GRM5: variants seen among roughly 807,000 people sequenced by gnomAD.
GRM5 encodes glutamate metabotropic receptor 5.
Under a neutral mutation model 83.1 loss-of-function variants are expected in GRM5, and 19 were observed. The observed-to-expected ratio is 0.23, with a 90% CI of 0.16 to 0.34. The LOEUF is 0.34. GRM5 is among the 10% of genes least tolerant of loss of function. The pLI is 1.00. For missense variants in GRM5, 1,160 were observed against 1,588.3 expected (o/e 0.73, Z 4.58); for synonymous variants, 675 against 633.6 (o/e 1.07, Z -0.98).
chr11:88,975,284 T>C (rs1465700513), intron 2 of GRM5, among the ~76,000 whole-genome samples: 1 of 152,174 alleles, frequency 6.6e-6, no homozygotes, highest in African/African-American at 2.4e-5. Flanking sequence ...AGAAACAATC[T>C]GGTATAGAGG....
In GRM5 at chr11:88,508,786, C is replaced by A. The variant is rs540630921; in HGVS notation, c.3445G>T (p.Glu1149Ter). 2 of 1,457,560 alleles carry A rather than the reference C, an allele frequency of 1.4e-6. No homozygotes were observed. Among genetic ancestry groups the A allele is most frequent in the South Asian group, 2.9e-5 (2 of 68,954 alleles). 90.3% of individuals were successfully genotyped at this position (1,457,560 alleles called of 1,614,324 possible). ...AARESPAAGP[E>*]AAAAKPDLEE... ...AGGTCTGGCTTGGCGGCCGCAGCCT[C>A]GGGACCGGCCGCGGGGCTCTCCCGG... The change falls in exon 10 of 10, where the codon GAG (glutamate) becomes TAG (stop). Residue 1149 changes from glutamate (E) to a stop codon, truncating the protein, a stop_gained. Coordinates refer to ENST00000305447, the MANE Select transcript of GRM5 (RefSeq NM_001143831.3). LOFTEE classifies it high-confidence loss of function. The surrounding 1 kb of genome is among the most constrained non-coding windows in gnomAD (Gnocchi z 4.2).
chr11:88,701,006 T>A (rs1195880774), intron 3 of GRM5, among the ~76,000 whole-genome samples: 2 of 152,140 alleles, frequency 1.3e-5, no homozygotes, highest in African/African-American at 4.8e-5. Context: ...ACTCCAAGTG[T>A]CCCATTTGGG....
intron 9 of GRM5, among the ~76,000 whole-genome samples, chr11:88,517,825 A>G (rs867191552): frequency 2.0e-5 from 3 of 152,214 alleles, no homozygotes; most frequent in Middle Eastern, 6.8e-3. Flanking sequence ...TAGCAAATCT[A>G]TTGTTTCAGA....
chr11:88,677,436 T>C (rs1190657256), intron 3 of GRM5, among the ~76,000 whole-genome samples: 2 of 152,130 alleles, frequency 1.3e-5, no homozygotes, highest in African/African-American at 2.4e-5. Context: ...TTCCTGGGAA[T>C]TGTGGGACAC....
chr11:88,696,603 C>G (rs1940910040), intron 3 of GRM5, among the ~76,000 whole-genome samples: 1 of 152,200 alleles, frequency 6.6e-6, no homozygotes, highest in African/African-American at 2.4e-5. Flanking sequence ...CCAAGTCAGA[C>G]ACACCTGGAT....
chr11:88,878,981 T>G (rs1361928719), intron 2 of GRM5, among the ~76,000 whole-genome samples: 1 of 152,068 alleles, frequency 6.6e-6, no homozygotes, highest in African/African-American at 2.4e-5. Flanking sequence ...TTGATGAAAA[T>G]TTTCTGTACC....
intron 3 of GRM5, among the ~76,000 whole-genome samples, chr11:88,764,075 ACT>A: frequency 6.6e-6 from 1 of 151,746 alleles, no homozygotes; most frequent in Non-Finnish European, 1.5e-5. Flanking sequence ...TTATTATATT[ACT>A]GTTAGAAAAA....
chr11:88,627,070 C>T (rs550698125), intron 4 of GRM5, among the ~76,000 whole-genome samples: 2 of 152,330 alleles, frequency 1.3e-5, no homozygotes, highest in African/African-American at 4.8e-5. Context: ...GGTACTATTC[C>T]ATGTTCTTCT....
At chr11:88,879,635 C>T (rs1944918398) in intron 2 of GRM5, among the ~76,000 whole-genome samples, 1 of 151,934 alleles carries the variant, frequency 6.6e-6, no homozygotes, top group Non-Finnish European at 1.5e-5. Flanking sequence ...CCAAGATTTT[C>T]ATCACCTTTC....
chr11:88,995,830 A>G (rs7358533), intron 2 of GRM5, among the ~76,000 whole-genome samples: 11,138 of 151,882 alleles, frequency 0.073, 1,338 homozygotes, highest in African/African-American at 0.25. Flanking sequence ...CAAATAAAAT[A>G]TCTACAAATG....
chr11:88,748,085 A>T (rs562606212), intron 3 of GRM5, among the ~76,000 whole-genome samples: 1 of 152,234 alleles, frequency 6.6e-6, no homozygotes, highest in East Asian at 1.9e-4. Flanking sequence ...GCAGTAAGTG[A>T]TTGTACAACC....
intron 2 of GRM5, among the ~76,000 whole-genome samples, chr11:88,892,186 A>T (rs1197542172): frequency 6.0e-5 from 9 of 148,866 alleles, no homozygotes; most frequent in South Asian, 2.1e-4. Flanking sequence ...AATAAGACAC[A>T]ATTAGAAAAA....
chr11:88,918,707 T>C (rs527915214), intron 2 of GRM5, among the ~76,000 whole-genome samples: 2 of 151,980 alleles, frequency 1.3e-5, no homozygotes, highest in African/African-American at 4.8e-5. Flanking sequence ...ATACATAGTA[T>C]AAGAAGATAT....
chr11:88,540,142 T>C (rs1345547365), intron 8 of GRM5, among the ~76,000 whole-genome samples: 1 of 152,170 alleles, frequency 6.6e-6, no homozygotes, highest in African/African-American at 2.4e-5. Context: ...CCTTCTATCA[T>C]ACACAGAAGT....
intron 2 of GRM5, among the ~76,000 whole-genome samples, chr11:88,986,958 T>A (rs1056243558): frequency 2.0e-5 from 3 of 151,682 alleles, no homozygotes; most frequent in African/African-American, 7.3e-5. Context: ...GAGGCTGAGG[T>A]GGGTGGATCA....
At chr11:88,624,144 A>G (rs1053490927) in intron 4 of GRM5, among the ~76,000 whole-genome samples, 4 of 152,220 alleles carry the variant, frequency 2.6e-5, no homozygotes, top group Admixed American at 6.5e-5. Flanking sequence ...ATTCAACTTT[A>G]TATCAAAGTA....
intron 3 of GRM5, among the ~76,000 whole-genome samples, chr11:88,719,505 T>C (rs1044031822): frequency 6.6e-6 from 1 of 152,068 alleles, no homozygotes; most frequent in African/African-American, 2.4e-5. Flanking sequence ...CTATTGCTAA[T>C]AGGGCTGCAA....
chr11:88,595,458 T>G (rs543700557), intron 6 of GRM5, among the ~76,000 whole-genome samples: 4 of 152,268 alleles, frequency 2.6e-5, no homozygotes, highest in African/African-American at 9.6e-5. Context: ...TTCTGTGAGA[T>G]CAACATTTTT....
At chr11:88,875,883 C>A (rs1002573677) in intron 2 of GRM5, among the ~76,000 whole-genome samples, 1 of 152,050 alleles carries the variant, frequency 6.6e-6, no homozygotes, top group Non-Finnish European at 1.5e-5. Context: ...GATATGCTGT[C>A]ATCCAGGCTT....
Sources: gnomAD v4.1 joint callset for allele counts (sites outside exome capture counted in the v4.1 genomes callset) on GRCh38, gnomAD v4.1.1 for gene constraint, Gnocchi (gnomAD v3.1) non-coding constraint, MANE v1.5 for transcripts, NCBI Gene and HGNC (gene_info 2026-07-23, HGNC 2026-07-21) for gene names.